DOP1B: variants seen among roughly 807,000 people sequenced by gnomAD.
DOP1B encodes the protein DOP1 leucine zipper like protein B, also known as protein DOP1B.
Under a neutral mutation model 233.5 loss-of-function variants are expected in DOP1B, and 174 were observed. That is an observed-to-expected ratio of 0.75 (90% CI 0.66 to 0.85). The LOEUF is 0.85. DOP1B is among the 40% of genes least tolerant of loss of function. The pLI is 0.00. For synonymous variants in DOP1B, 1,190 were observed against 1,185.6 expected (o/e 1.00, Z -0.08); for missense variants, 2,652 against 2,846.6 (o/e 0.93, Z 1.56).
intron 2 of DOP1B, among the ~76,000 whole-genome samples, chr21:36,177,985 C>G: frequency 6.6e-6 from 1 of 151,478 alleles, no homozygotes; most frequent in East Asian, 1.9e-4. Flanking sequence ...TATAAATTCT[C>G]CCAAGAAAGT....
chr21:36,227,715 T>A lies in DOP1B; in HGVS notation c.1503T>A (p.Tyr501Ter). 1 of 1,584,616 alleles carries A rather than the reference T, an allele frequency of 6.3e-7. No homozygotes were observed. Residue 501 changes from tyrosine to a stop codon, truncating the protein, a stop_gained, in exon 13 of 37, where the codon TAT becomes TAA. Transcript: ENST00000691173. LOFTEE classifies it high-confidence loss of function. ...TTTACTCTGAGGTGCAAACCCAGTA[T>A]CTCCCTCAGGTGCTCGGCTGCCTGG... ...LELYSEVQTQ[Y>*]LPQVLGCLVQ... is the part of the protein sequence containing the mutation.
chr21:36,239,551 T>A (rs1436757788), intron 17 of DOP1B, among the ~76,000 whole-genome samples: 1 of 152,230 alleles, frequency 6.6e-6, no homozygotes, highest in Non-Finnish European at 1.5e-5. Context: ...GGGTGAGGCC[T>A]GAGCATTGGG....
intron 7 of DOP1B, 77 bp from the exon 8 acceptor site, chr21:36,214,004 A>C (rs2066530180): frequency 7.7e-6 from 9 of 1,164,046 alleles, no homozygotes; most frequent in Admixed American, 6.8e-5. Flanking sequence ...AAAATATTGG[A>C]GCATGAGACT....
At chr21:36,167,328 A>T (rs889458079) in intron 2 of DOP1B, among the ~76,000 whole-genome samples, 2 of 152,114 alleles carry the variant, frequency 1.3e-5, no homozygotes, top group African/African-American at 4.8e-5. Context: ...GCCCGCCACC[A>T]GGCCTGGCTA....
At position 36,263,710 on chromosome 21, in the gene DOP1B, G is replaced by A. The variant is rs752326896; in HGVS notation, c.5421-38G>A. 1.9e-6 allele frequency: 3 copies of A among 1,613,618 alleles called. No individual in the cohort carries two copies. In the East Asian group the frequency reaches 6.7e-5, roughly 36 times the overall value. ...TTCTCTTGGCACATATTTTATTTCT[G>A]CAGCATTTTTAATCTGAAGCTGATT... On this transcript the variant is annotated intron_variant, in intron 25 of 36. Transcript: ENST00000691173.
At position 36,246,534 on chromosome 21, in the gene DOP1B, C is replaced by G; in HGVS notation, c.4554C>G (p.Ala1518=). 6.2e-7 allele frequency: 1 copy of G among 1,614,202 alleles called. No individual in the cohort carries two copies. Among genetic ancestry groups the G allele is most frequent in the Non-Finnish European group, 8.5e-7 (1 of 1,180,038 alleles). Residue 1518 remains alanine (A), a synonymous_variant, in exon 19 of 37, where the codon GCC becomes GCG. Coordinates refer to ENST00000691173, the MANE Select transcript of DOP1B (RefSeq NM_001320714.2). The surrounding 1 kb of genome is among the most constrained non-coding windows in gnomAD (Gnocchi z 5.1). ...CCTACGGTTACGGCATGCATCCGGC[C>G]TGGGTGAGCTTGGTCACGCATTCCT... The part of the protein sequence containing the change: ...QPAYGYGMHP[A]WVSLVTHSLP...
intron 17 of DOP1B, among the ~76,000 whole-genome samples, chr21:36,239,148 G>C (rs2066862540): frequency 6.6e-6 from 1 of 152,142 alleles, no homozygotes; most frequent in Non-Finnish European, 1.5e-5. Flanking sequence ...TCCGAGCACA[G>C]CCAGTGGTTC....
intron 2 of DOP1B, among the ~76,000 whole-genome samples, chr21:36,180,152 A>T (rs1265805342): frequency 6.6e-6 from 1 of 150,566 alleles, no homozygotes; most frequent in Non-Finnish European, 1.5e-5. Context: ...AAAAAACTAG[A>T]GGGGGTTATT....
Position 36,261,963 on chromosome 21 carries a change from C to T in DOP1B, c.5315+1231C>T, listed in dbSNP as rs185070449. The T allele has an allele frequency of 3.3e-3, 3,290 of 984,456 alleles. 11 individuals are homozygous for T. The highest frequency in any genetic ancestry group is 3.8e-3 in the Non-Finnish European group (3,123 of 829,130). 61.0% of individuals were successfully genotyped at this position (984,456 alleles called of 1,614,324 possible). A position where few individuals can be genotyped will look rare whatever the true frequency, so the allele number is the denominator to read the frequency against. On this transcript the variant is annotated intron_variant, in intron 24 of 36. Coordinates refer to ENST00000691173, the MANE Select transcript of DOP1B (RefSeq NM_001320714.2). ...GGGTATAGACCACTTCTCAGGGAAG[C>T]CTCACTATGCCTACATAGCCATCAG...
chr21:36,159,419 C>G (rs760406874), intron 1 of DOP1B, among the ~76,000 whole-genome samples: 8 of 152,094 alleles, frequency 5.3e-5, no homozygotes, highest in Admixed American at 1.3e-4. Flanking sequence ...CCATTGCACT[C>G]CAGCCCGGTC....
In DOP1B at chr21:36,238,716, G is replaced by T. The variant is rs370108503; in HGVS notation, c.2876+15G>T. ...TCCTTTGATAGGTGAGGCGGCCTTC[G>T]TTATGATCTACCGTTAACTCACGAG... On this transcript the variant is annotated intron_variant, in intron 17 of 36. Coordinates refer to ENST00000691173, the MANE Select transcript of DOP1B (RefSeq NM_001320714.2). 1.2e-6 allele frequency: 2 copies of T among 1,613,184 alleles called. No homozygotes were observed.
rs918323037 is a variant in DOP1B, at chr21:36,208,806, A to G, written c.583A>G (p.Ile195Val). 2.5e-6 allele frequency: 4 copies of G among 1,608,012 alleles called. No homozygotes were observed. The African/African-American group carries it at 5.4e-5, about 22-fold the overall frequency. Residue 195 changes from isoleucine (I) to valine (V), a missense_variant, in exon 5 of 37, where the codon ATC (isoleucine) becomes GTC (valine). This residue lies in a region of DOP1B where 2,617 missense variants were observed against 2,794.3 expected (regional missense o/e 0.94). Coordinates refer to ENST00000691173, the MANE Select transcript of DOP1B (RefSeq NM_001320714.2). ...LWGSVLASPSIRLPASVFVVG... is the reference protein window; with the variant it reads ...LWGSVLASPSVRLPASVFVVG... ...GGGGAGCGTCCTGGCCAGCCCGTCC[A>G]TCCGCCTCCCTGCCTCAGTCTTCGT...
intron 5 of DOP1B, among the ~76,000 whole-genome samples, chr21:36,210,504 G>A (rs982775154): frequency 1.3e-5 from 2 of 152,144 alleles, no homozygotes; most frequent in African/African-American, 4.8e-5. Flanking sequence ...AATGAGCTGG[G>A]TGTGGTGATG....
chr21:36,198,952 CTCTT>C, intron 2 of DOP1B, 114 bp from the exon 3 acceptor site: 6 of 1,115,726 alleles, frequency 5.4e-6, no homozygotes, highest in Admixed American at 2.6e-5. Context: ...TTGTGTATGT[CTCTT>C]TCTTACAGCC....
At chr21:36,214,260 C>A in intron 8 of DOP1B, 70 bp downstream of exon 8, 2 of 1,407,748 alleles carry the variant, frequency 1.4e-6, no homozygotes, top group Non-Finnish European at 2.0e-6. Context: ...CTTTGGGAGG[C>A]TTCCACATAG....
intron 32 of DOP1B, 94 bp downstream of exon 32, chr21:36,281,705 C>G: frequency 6.7e-6 from 8 of 1,195,348 alleles, no homozygotes; most frequent in Non-Finnish European, 9.1e-6. Flanking sequence ...CCTCACAGTT[C>G]TGGAGGCTGA....
At chr21:36,185,631 T>A (rs1569006962) in intron 2 of DOP1B, among the ~76,000 whole-genome samples, 1 of 152,170 alleles carries the variant, frequency 6.6e-6, no homozygotes, top group Non-Finnish European at 1.5e-5. Context: ...GAGGGCAACA[T>A]GTAACAATGT....
chr21:36,283,079 T>C (rs2067436697), intron 32 of DOP1B, among the ~76,000 whole-genome samples: 1 of 150,900 alleles, frequency 6.6e-6, no homozygotes, highest in Non-Finnish European at 1.5e-5. Context: ...TGACATTCTG[T>C]TTTGTTTTTG....
intron 24 of DOP1B, 108 bp downstream of exon 24, chr21:36,260,840 G>A: frequency 1.3e-6 from 2 of 1,553,154 alleles, no homozygotes; most frequent in Non-Finnish European, 1.7e-6. Flanking sequence ...GAGAGCCATT[G>A]TTCAGAAAAT....
Sources: allele counts gnomAD v4.1 joint callset (sites outside exome capture counted in the v4.1 genomes callset), GRCh38; gene constraint gnomAD v4.1.1; regional missense constraint gnomAD v4.1.1; non-coding constraint Gnocchi (gnomAD v3.1); transcripts MANE v1.5; gene names NCBI Gene and HGNC (gene_info 2026-07-23, HGNC 2026-07-21).